Variants in ERBB4 observed in about 807,000 individuals in gnomAD.
The protein encoded by ERBB4 is receptor tyrosine-protein kinase erbB-4.
ERBB4 carries 42 observed loss-of-function variants against 158.0 expected under a neutral mutation model. The observed-to-expected ratio is 0.27, with a 90% CI of 0.21 to 0.34. ERBB4 has a LOEUF of 0.34. ERBB4 is among the 10% of genes least tolerant of loss of function. ERBB4 has a pLI of 1.00. For synonymous variants in ERBB4, 583 were observed against 558.7 expected, an observed-to-expected ratio of 1.04 and a Z score of -0.61; for missense variants, 1,333 against 1,624.1, an observed-to-expected ratio of 0.82 and a Z score of 3.08.
chr2:212,318,466 C>A (rs954209533), intron 1 of ERBB4, among the ~76,000 whole-genome samples: 2 of 150,988 alleles, frequency 1.3e-5, no homozygotes, highest in African/African-American at 4.9e-5. Context: ...TTAGTTATTT[C>A]TTTTGCTCAA....
intron 1 of ERBB4, among the ~76,000 whole-genome samples, chr2:212,303,863 G>C (rs936887710): frequency 6.6e-6 from 1 of 151,476 alleles, no homozygotes; most frequent in African/African-American, 2.4e-5. Context: ...CAGGGAAGAA[G>C]AAATATCTTT....
At chr2:211,991,365 TTACATTTAA>T (rs2082071135) in intron 2 of ERBB4, among the ~76,000 whole-genome samples, 6 of 152,228 alleles carry the variant, frequency 3.9e-5, no homozygotes, top group African/African-American at 1.4e-4. Context: ...ACTAAAGCTT[TTACATTTAA>T]ATACATAAAT....
intron 2 of ERBB4, among the ~76,000 whole-genome samples, chr2:212,003,193 GAAAGA>G (rs2076165579): frequency 1.6e-5 from 1 of 64,450 alleles, no homozygotes; most frequent in Non-Finnish European, 3.9e-5. Context: ...AAGAAAGAAA[GAAAGA>G]AAGAAAGACA....
intron 3 of ERBB4, among the ~76,000 whole-genome samples, chr2:211,830,197 T>C (rs2077190769): frequency 6.6e-6 from 1 of 152,232 alleles, no homozygotes; most frequent in Non-Finnish European, 1.5e-5. Context: ...TTTCCTCTAA[T>C]GCCATGTTAA....
chr2:211,970,616 T>A (rs1249626095), intron 2 of ERBB4, among the ~76,000 whole-genome samples: 1 of 152,228 alleles, frequency 6.6e-6, no homozygotes, highest in Non-Finnish European at 1.5e-5. Flanking sequence ...TTGAATTTTT[T>A]ACCACTATGT....
chr2:211,686,347 A>C (rs908755428), intron 12 of ERBB4, among the ~76,000 whole-genome samples: 1 of 152,178 alleles, frequency 6.6e-6, no homozygotes, highest in African/African-American at 2.4e-5. Context: ...CTTTTTCTGT[A>C]TCAATTGACA....
chr2:211,585,947 T>C (rs1269089734), intron 19 of ERBB4, among the ~76,000 whole-genome samples: 1 of 152,218 alleles, frequency 6.6e-6, no homozygotes, highest in Non-Finnish European at 1.5e-5. Context: ...ATTGGGATTA[T>C]CATTTTACTT....
intron 11 of ERBB4, among the ~76,000 whole-genome samples, chr2:211,703,323 T>A (rs935862185): frequency 6.6e-6 from 1 of 152,212 alleles, no homozygotes; most frequent in Admixed American, 6.5e-5. Context: ...CTTTCAACTA[T>A]CCTTTCTTAT....
chr2:212,228,614 T>C (rs1358395287), intron 1 of ERBB4, among the ~76,000 whole-genome samples: 1 of 152,150 alleles, frequency 6.6e-6, no homozygotes, highest in Non-Finnish European at 1.5e-5. Flanking sequence ...ATTTTCATCC[T>C]GCAGAGCCTA....
chr2:212,312,861 A>G (rs1027156442), intron 1 of ERBB4, among the ~76,000 whole-genome samples: 4 of 151,064 alleles, frequency 2.6e-5, no homozygotes, highest in African/African-American at 9.7e-5. Context: ...TAAGGAAAAA[A>G]AATAAAATCA....
chr2:211,700,310 G>A (rs73082634), intron 12 of ERBB4, among the ~76,000 whole-genome samples: 1,595 of 152,202 alleles, frequency 0.01, 21 homozygotes, highest in African/African-American at 0.036. Flanking sequence ...TCAGTAATGT[G>A]TAAAACCAAG....
chr2:211,627,353 G>A (rs1156864104), intron 17 of ERBB4, among the ~76,000 whole-genome samples: 1 of 152,240 alleles, frequency 6.6e-6, no homozygotes, highest in Non-Finnish European at 1.5e-5. Context: ...TCTTCAATAA[G>A]CTTCCAGCTA....
intron 3 of ERBB4, among the ~76,000 whole-genome samples, chr2:211,915,058 T>G (rs1471829854): frequency 1.3e-5 from 2 of 152,160 alleles, no homozygotes; most frequent in Non-Finnish European, 2.9e-5. Context: ...ATTTCAGGTC[T>G]GAAGGCAAAG....
rs1237343327 is a variant in ERBB4 at position 211,668,365 on chromosome 2, T to C, written c.1717-2888A>G. 2.0e-5 allele frequency among the ~76,000 whole-genome samples: 3 copies of C among 152,176 alleles called. No homozygotes were observed. The East Asian group carries it at 5.8e-4, about 29-fold the overall frequency. ...ATACTGATTCCCCATCTCATTTCCATAATAAAGAGACTTAAAGAAATATAC... is the reference window on the plus strand; with the variant it reads ...ATACTGATTCCCCATCTCATTTCCACAATAAAGAGACTTAAAGAAATATAC... On this transcript the variant is annotated intron_variant, in intron 14 of 27. Transcript: ENST00000342788.
chr2:211,719,067 T>C (rs960243963), intron 7 of ERBB4, among the ~76,000 whole-genome samples: 1 of 152,226 alleles, frequency 6.6e-6, no homozygotes, highest in Non-Finnish European at 1.5e-5. Context: ...TAGAAGTCTC[T>C]TTTTGATTTT....
At chr2:211,467,632 A>G (rs1444371619) in intron 20 of ERBB4, among the ~76,000 whole-genome samples, 3 of 152,192 alleles carry the variant, frequency 2.0e-5, no homozygotes, top group Non-Finnish European at 2.9e-5. Flanking sequence ...AATATAGAGT[A>G]TTTGGAGGCC....
At chr2:212,183,588 T>A (rs987066159) in intron 1 of ERBB4, among the ~76,000 whole-genome samples, 3 of 152,070 alleles carry the variant, frequency 2.0e-5, no homozygotes, top group Non-Finnish European at 4.4e-5. Flanking sequence ...ATTGTTATCA[T>A]TTTCATATAC....
chr2:211,901,742 T>C (rs527403811), intron 3 of ERBB4, among the ~76,000 whole-genome samples: 1 of 152,128 alleles, frequency 6.6e-6, no homozygotes, highest in African/African-American at 2.4e-5. Context: ...GCCTAATAGC[T>C]TTTTTCCTAT....
intron 2 of ERBB4, among the ~76,000 whole-genome samples, chr2:212,017,169 C>T (rs758050385): frequency 9.9e-5 from 15 of 151,932 alleles, no homozygotes; most frequent in African/African-American, 2.7e-4. Context: ...TAGAATACTA[C>T]GAAGGTAATA....
Sources: gnomAD v4.1 joint callset for allele counts (sites outside exome capture counted in the v4.1 genomes callset) on GRCh38, gnomAD v4.1.1 for gene constraint, MANE v1.5 for transcripts, NCBI Gene and HGNC (gene_info 2026-07-23, HGNC 2026-07-21) for gene names.